RBL1: variants seen among roughly 807,000 people sequenced by gnomAD.
The protein encoded by RBL1 is retinoblastoma-like protein 1.
A neutral mutation model predicts 123.0 loss-of-function variants in RBL1; 82 were observed. The ratio of observed to expected loss-of-function variants is 0.67; its 90% CI spans 0.56 to 0.80. The LOEUF (loss-of-function observed/expected upper bound fraction) is 0.80, where lower values mean the gene tolerates loss of function less well. Among genes scored for constraint, RBL1 ranks in the 30% least tolerant of loss-of-function variants. The pLI, the probability that RBL1 is intolerant of heterozygous loss-of-function variation, is 0.00. For missense variants in RBL1, 1,171 were observed against 1,299.6 expected, an observed-to-expected ratio of 0.90 and a Z score of 1.52; for synonymous variants, 405 against 441.3, an observed-to-expected ratio of 0.92 and a Z score of 1.03.
In RBL1 at chr20:36,999,170, G is replaced by A. The variant is rs1264727127; in HGVS notation, c.3037-241C>T. Among the ~76,000 whole-genome samples, 5 of 151,958 alleles carry A rather than the reference G, an allele frequency of 3.3e-5. No homozygotes were observed. The East Asian group carries it at 9.6e-4, about 29-fold the overall frequency. On this transcript the variant is annotated intron_variant, in intron 21 of 21. Coordinates refer to ENST00000373664, the MANE Select transcript of RBL1 (RefSeq NM_002895.5). ...GCCTGTAATACCAGCACTTTGGGAG[G>A]CCAAGATGGTTCAATCACTTGAGCC...
Position 37,047,164 on chromosome 20 carries a change from A to G in RBL1, c.1494T>C (p.His498=). ...CCAAACAACAAGCCATCAAGGAACG[A>G]TGAAATATATCTTGCTCTAAAAGAA... The part of the protein sequence containing the change: ...MSVLLEQDIF[H]RSLMACCLEI... The change falls in exon 12 of 22, where the codon CAT becomes CAC. Residue 498 remains histidine (H), a synonymous_variant. Coordinates refer to ENST00000373664, the MANE Select transcript of RBL1 (RefSeq NM_002895.5). 2 of 1,603,306 alleles carry G rather than the reference A, an allele frequency of 1.2e-6. No individual in the cohort carries two copies. Among genetic ancestry groups the G allele is most frequent in the Non-Finnish European group, 1.7e-6 (2 of 1,177,970 alleles).
intron 9 of RBL1, among the ~76,000 whole-genome samples, 166 bp downstream of exon 9, chr20:37,060,937 A>G (rs907640494): frequency 1.4e-4 from 22 of 152,198 alleles, no homozygotes; most frequent in African/African-American, 5.3e-4. Context: ...TTTAATAGGT[A>G]CTTCAATATG....
chr20:37,028,534 A>C (rs889107295), intron 16 of RBL1, among the ~76,000 whole-genome samples: 3 of 152,122 alleles, frequency 2.0e-5, no homozygotes, highest in Non-Finnish European at 4.4e-5. Flanking sequence ...GTCTCTAAAA[A>C]TAATAATAAT....
chr20:37,020,840 A>G, intron 17 of RBL1, 110 bp from the exon 18 acceptor site: 1 of 675,022 alleles, frequency 1.5e-6, no homozygotes, highest in Non-Finnish European at 2.5e-6. Context: ...GAAAACCATT[A>G]ACCCCAGGCC....
At chr20:37,067,169 CTCATG>C (rs755544349) in intron 4 of RBL1, 48 bp from the exon 5 acceptor site, 1 of 1,568,968 alleles carries the variant, frequency 6.4e-7, no homozygotes, top group Non-Finnish European at 8.6e-7. Flanking sequence ...CCAGAAACCT[CTCATG>C]TCAAATAGCA....
At chr20:37,069,302 G>A (rs1179365995) in intron 2 of RBL1, among the ~76,000 whole-genome samples, 3 of 148,080 alleles carry the variant, frequency 2.0e-5, no homozygotes, top group Non-Finnish European at 3.0e-5. Context: ...GCCGCCCATC[G>A]TCTGGGATGT....
rs1045238993 is a variant in RBL1 at position 36,997,493 on chromosome 20, A to G, written c.*1266T>C. On this transcript the variant is annotated 3_prime_UTR_variant, in exon 22 of 22. Coordinates refer to ENST00000373664, the MANE Select transcript of RBL1 (RefSeq NM_002895.5). ...TAATAAGCAGCTATTTTACTGATGT[A>G]TTAAATATATTAGAATTATGAGGCA... 1 of 152,182 alleles carries G rather than the reference A, an allele frequency of 6.6e-6. No individual in the cohort carries two copies. Among genetic ancestry groups the G allele is most frequent in the African/African-American group, 2.4e-5 (1 of 41,434 alleles). 9.4% of individuals were successfully genotyped at this position (152,182 alleles called of 1,614,324 possible). A position where few individuals can be genotyped will look rare whatever the true frequency, so the allele number is the denominator to read the frequency against.
chr20:37,004,524 C>G (rs189739168), intron 20 of RBL1, among the ~76,000 whole-genome samples: 1 of 150,468 alleles, frequency 6.6e-6, no homozygotes, highest in African/African-American at 2.4e-5. Context: ...ACCAGCCTGG[C>G]CAACATGGTG....
chr20:37,033,021 T>C, intron 15 of RBL1, 145 bp from the exon 16 acceptor site: 2 of 764,836 alleles, frequency 2.6e-6, no homozygotes, highest in East Asian at 4.4e-5. Flanking sequence ...CTGAATTCTT[T>C]TTTTTTTTTT....
chr20:37,036,474 T>C (rs112783988), intron 14 of RBL1, among the ~76,000 whole-genome samples: 1,876 of 151,760 alleles, frequency 0.012, 45 homozygotes, highest in African/African-American at 0.043. Context: ...GACAGGGTTT[T>C]GCCATGTTGG....
At chr20:37,023,810 ACT>A (rs2064380647) in intron 16 of RBL1, among the ~76,000 whole-genome samples, 1 of 125,450 alleles carries the variant, frequency 8.0e-6, no homozygotes, top group African/African-American at 3.1e-5. Context: ...ACGGAGTCTC[ACT>A]CTGTAGCCTA....
At chr20:37,080,345 T>C (rs2065428682) in intron 2 of RBL1, among the ~76,000 whole-genome samples, 1 of 151,800 alleles carries the variant, frequency 6.6e-6, no homozygotes. Context: ...TTGGTAAAGA[T>C]GGGGCTTTAC....
At chr20:37,066,923 A>T (rs774339156) in intron 5 of RBL1, 39 bp from the exon 6 acceptor site, 4 of 1,597,710 alleles carry the variant, frequency 2.5e-6, no homozygotes, top group African/African-American at 1.4e-5. Context: ...GGAAAAAAAA[A>T]TAGTCAACTT....
chr20:37,083,249 C>CAAGG (rs1410321693), intron 2 of RBL1, among the ~76,000 whole-genome samples: 3 of 151,484 alleles, frequency 2.0e-5, no homozygotes, highest in East Asian at 1.9e-4. Flanking sequence ...GGGTGGATCA[C>CAAGG]TTGAGGCCAA....
chr20:37,063,950 G>GTCT, intron 7 of RBL1, among the ~76,000 whole-genome samples: 1 of 151,468 alleles, frequency 6.6e-6, no homozygotes, highest in Non-Finnish European at 1.5e-5. Flanking sequence ...AGCCTCCCAA[G>GTCT]TAGCTGGGAC....
At chr20:37,017,327 C>G (rs1411776080) in intron 19 of RBL1, among the ~76,000 whole-genome samples, 1 of 151,356 alleles carries the variant, frequency 6.6e-6, no homozygotes, top group East Asian at 1.9e-4. Flanking sequence ...GAGTCATGAT[C>G]ATACCACTGC....
chr20:37,080,188 T>G (rs1046457440), intron 2 of RBL1, among the ~76,000 whole-genome samples: 4 of 152,194 alleles, frequency 2.6e-5, no homozygotes, highest in African/African-American at 9.6e-5. Context: ...GACAAGAGTC[T>G]CGCTCTGTTG....
At chr20:37,040,480 G>A (rs957789562) in intron 13 of RBL1, among the ~76,000 whole-genome samples, 195 bp from the exon 14 acceptor site, 1 of 152,050 alleles carries the variant, frequency 6.6e-6, no homozygotes, top group Non-Finnish European at 1.5e-5. Flanking sequence ...AGCCTCCTGA[G>A]TAGCTGGGAC....
At chr20:37,069,826 G>A (rs1456528446) in intron 2 of RBL1, among the ~76,000 whole-genome samples, 1 of 148,862 alleles carries the variant, frequency 6.7e-6, no homozygotes, top group African/African-American at 2.5e-5. Flanking sequence ...CAGGCCAGCC[G>A]CCCTGTCCGG....
Sources: allele counts gnomAD v4.1 joint callset (sites outside exome capture counted in the v4.1 genomes callset), GRCh38; gene constraint gnomAD v4.1.1; transcripts MANE v1.5; gene names NCBI Gene and HGNC (gene_info 2026-07-23, HGNC 2026-07-21).